Variants in TAS2R1 observed in about 807,000 individuals in gnomAD.
TAS2R1 encodes taste receptor type 2 member 1.
For missense variants in TAS2R1, 370 were observed against 353.4 expected (o/e 1.05, Z -0.38); for synonymous variants, 141 against 134.2 (o/e 1.05, Z -0.35).
chr5:9,722,489 T>C, the TAS2R1 span, among the ~76,000 whole-genome samples: 1 of 152,254 alleles, frequency 6.6e-6, no homozygotes, highest in Non-Finnish European at 1.5e-5. Flanking sequence ...TGGATCTCTT[T>C]GGAGACAAAA....
chr5:9,742,412 CCT>C, the TAS2R1 span, among the ~76,000 whole-genome samples: 5 of 152,160 alleles, frequency 3.3e-5, no homozygotes, highest in African/African-American at 9.7e-5. Context: ...CCTCTACTCC[CCT>C]GAGAGATTTG....
chr5:9,640,896 T>C (rs1170051487), intron 2 of TAS2R1, among the ~76,000 whole-genome samples: 8 of 152,300 alleles, frequency 5.3e-5, no homozygotes, highest in African/African-American at 1.9e-4. Flanking sequence ...AAGACAGTCA[T>C]TGTTTTCTAG....
chr5:9,766,303 C>T, the TAS2R1 span, among the ~76,000 whole-genome samples: 1 of 152,202 alleles, frequency 6.6e-6, no homozygotes. Context: ...CATTCAAAAT[C>T]AGTTTCTATG....
At chr5:9,712,028 A>AAGGGAGGAAGGG (rs1358294309) in intron 1 of TAS2R1, 1 of 89,948 alleles carries the variant, frequency 1.1e-5, no homozygotes, top group Non-Finnish European at 2.1e-5. Context: ...GGAAGGAAGG[A>AAGGGAGGAAGGG]AGGGAGGGAG....
the TAS2R1 span, among the ~76,000 whole-genome samples, chr5:9,849,835 C>A: frequency 6.6e-6 from 1 of 152,206 alleles, no homozygotes; most frequent in South Asian, 2.1e-4. Flanking sequence ...GTCTCCCAGG[C>A]AAGCTCCCAT....
chr5:9,636,015 A>G (rs1360907420), intron 2 of TAS2R1, among the ~76,000 whole-genome samples: 1 of 151,616 alleles, frequency 6.6e-6, no homozygotes, highest in Non-Finnish European at 1.5e-5. Context: ...TAGTTCCTTG[A>G]GGTATGACCT....
intron 2 of TAS2R1, among the ~76,000 whole-genome samples, chr5:9,651,361 C>T (rs576968867): frequency 1.3e-5 from 2 of 152,216 alleles, no homozygotes; most frequent in East Asian, 1.9e-4. Context: ...AAGGGAGTTG[C>T]GGGCTTGGGT....
chr5:9,724,290 G>A, the TAS2R1 span, among the ~76,000 whole-genome samples: 3 of 150,508 alleles, frequency 2.0e-5, no homozygotes, highest in Admixed American at 6.6e-5. Flanking sequence ...TTTAACTTCA[G>A]ACCCTTTAAT....
the TAS2R1 span, among the ~76,000 whole-genome samples, chr5:9,717,957 CT>C: frequency 6.6e-6 from 1 of 151,876 alleles, no homozygotes; most frequent in Admixed American, 6.6e-5. Context: ...TAGTAAATTT[CT>C]TTTTATTTTA....
chr5:9,683,902 G>C (rs1741076559), intron 1 of TAS2R1, among the ~76,000 whole-genome samples: 1 of 152,098 alleles, frequency 6.6e-6, no homozygotes, highest in Non-Finnish European at 1.5e-5. Context: ...TTACTGTCAG[G>C]TTGCCAGCAT....
At chr5:9,781,589 C>T in the TAS2R1 span, among the ~76,000 whole-genome samples, 2 of 152,208 alleles carry the variant, frequency 1.3e-5, no homozygotes, top group African/African-American at 2.4e-5. Flanking sequence ...GTCCCCTTTT[C>T]CTCACTGACT....
At chr5:9,769,998 A>G in the TAS2R1 span, among the ~76,000 whole-genome samples, 3 of 152,138 alleles carry the variant, frequency 2.0e-5, no homozygotes, top group South Asian at 2.1e-4. Flanking sequence ...CCCAACTCCA[A>G]TGTCCTGGAG....
the TAS2R1 span, among the ~76,000 whole-genome samples, chr5:9,846,738 C>T: frequency 6.6e-6 from 1 of 152,130 alleles, no homozygotes; most frequent in South Asian, 2.1e-4. Flanking sequence ...ACTTGTAAAA[C>T]CTGAAATTTC....
At chr5:9,666,653 G>A (rs1329570699) in intron 1 of TAS2R1, among the ~76,000 whole-genome samples, 1 of 151,752 alleles carries the variant, frequency 6.6e-6, no homozygotes, top group Non-Finnish European at 1.5e-5. Context: ...GTGGGGTGGG[G>A]GCAAAGGAAA....
the TAS2R1 span, among the ~76,000 whole-genome samples, chr5:9,842,710 C>T: frequency 0.06 from 9,046 of 152,004 alleles, 624 homozygotes; most frequent in East Asian, 0.23. Context: ...CTATCTCTGG[C>T]TTATCTCTAC....
chr5:9,894,294 C>T, the TAS2R1 span, among the ~76,000 whole-genome samples: 3 of 152,054 alleles, frequency 2.0e-5, no homozygotes, highest in Non-Finnish European at 4.4e-5. Context: ...ATCCCAGCTA[C>T]TCGGGAGGCT....
At chr5:9,898,501 G>A in the TAS2R1 span, among the ~76,000 whole-genome samples, 1 of 152,140 alleles carries the variant, frequency 6.6e-6, no homozygotes, top group Non-Finnish European at 1.5e-5. Context: ...GAGGCCTCTC[G>A]CACATGGCTT....
At chr5:9,649,763 T>C (rs534403241) in intron 2 of TAS2R1, among the ~76,000 whole-genome samples, 1 of 152,338 alleles carries the variant, frequency 6.6e-6, no homozygotes, top group South Asian at 2.1e-4. Context: ...CATCCACTTT[T>C]GTCAATAGCT....
chr5:9,714,775 T>A (rs559373332), upstream of TAS2R1, among the ~76,000 whole-genome samples: 14 of 152,366 alleles, frequency 9.2e-5, no homozygotes, highest in Non-Finnish European at 1.9e-4. Flanking sequence ...GCTGAACACA[T>A]TTCCCAGCAC....
Sources: gnomAD v4.1 joint callset for allele counts (sites outside exome capture counted in the v4.1 genomes callset) on GRCh38, gnomAD v4.1.1 for gene constraint, MANE v1.5 for transcripts, NCBI Gene and HGNC (gene_info 2026-07-23, HGNC 2026-07-21) for gene names.